The following RIMKLB variants were observed in gnomAD, a reference collection of about 807,000 sequenced individuals.
RIMKLB encodes the protein beta-citrylglutamate synthase B.
A neutral mutation model predicts 32.0 loss-of-function variants in RIMKLB; 7 were observed. The observed-to-expected ratio is 0.22, with a 90% CI of 0.12 to 0.41. RIMKLB has a LOEUF of 0.41. RIMKLB is among the 10% of genes least tolerant of loss of function. The pLI, the probability that RIMKLB is intolerant of heterozygous loss-of-function variation, is 1.00. For synonymous variants in RIMKLB, 172 were observed against 185.1 expected, an observed-to-expected ratio of 0.93 and a Z score of 0.57; for missense variants, 289 against 498.7, an observed-to-expected ratio of 0.58 and a Z score of 4.00.
intron 2 of RIMKLB, among the ~76,000 whole-genome samples, chr12:8,749,617 A>G (rs1239222954): frequency 6.6e-6 from 1 of 152,228 alleles, no homozygotes; most frequent in African/African-American, 2.4e-5. Flanking sequence ...CTCTGAACAT[A>G]TATGTTTATG....
chr12:8,733,590 A>G (rs982986371), intron 2 of RIMKLB, among the ~76,000 whole-genome samples: 1 of 152,200 alleles, frequency 6.6e-6, no homozygotes, highest in African/African-American at 2.4e-5. Context: ...AAATTGATTC[A>G]GGCTGGGCAT....
At chr12:8,777,761 T>A (rs1950818725), downstream of RIMKLB, 2 of 1,117,584 alleles carry the variant, frequency 1.8e-6, no homozygotes, top group Admixed American at 6.3e-5. Flanking sequence ...GAATGGTAAA[T>A]GCACCGGTTT....
chr12:8,763,033 G>C (rs1420420181), intron 5 of RIMKLB, among the ~76,000 whole-genome samples: 1 of 152,182 alleles, frequency 6.6e-6, no homozygotes, highest in Non-Finnish European at 1.5e-5. Flanking sequence ...TTAAGCAAAT[G>C]GTTGTCTGAC....
chr12:8,701,902 G>C (rs1021616665), intron 1 of RIMKLB, among the ~76,000 whole-genome samples: 1 of 151,464 alleles, frequency 6.6e-6, no homozygotes, highest in Non-Finnish European at 1.5e-5. Flanking sequence ...CTACTCGGGG[G>C]GGCTGAGGCA....
intron 2 of RIMKLB, among the ~76,000 whole-genome samples, chr12:8,719,322 C>T (rs1211533576): frequency 2.0e-5 from 3 of 152,152 alleles, no homozygotes; most frequent in African/African-American, 7.2e-5. Context: ...CACCTTGCTT[C>T]TAATTCTAAG....
At chr12:8,712,511 G>A (rs986109259) in intron 1 of RIMKLB, among the ~76,000 whole-genome samples, 5 of 152,228 alleles carry the variant, frequency 3.3e-5, no homozygotes, top group Non-Finnish European at 7.3e-5. Context: ...TTCCTAGCAT[G>A]TGTGTAAGCT....
At chr12:8,752,490 T>G (rs990019068) in intron 4 of RIMKLB, among the ~76,000 whole-genome samples, 1 of 150,460 alleles carries the variant, frequency 6.6e-6, no homozygotes, top group Admixed American at 6.6e-5. Context: ...AGGCGGAGGT[T>G]GCAGTGAGCC....
chr12:8,773,950 G>A lies in RIMKLB; in HGVS notation c.*166G>A, dbSNP rs1415327552. On this transcript the variant is annotated 3_prime_UTR_variant, in exon 6 of 6. Coordinates refer to ENST00000535829, the MANE Select transcript of RIMKLB (RefSeq NM_001297776.2). ...AGATAGATGAGACCTCTGCTAGTAA[G>A]ATGTTACTTTCATTTACAAATCCTA... is the stretch of plus-strand genomic sequence containing the variant. 1 of 1,408,580 alleles carries A rather than the reference G, an allele frequency of 7.1e-7. No individual in the cohort carries two copies. The highest frequency in any genetic ancestry group is 3.0e-5 in the Admixed American group (1 of 33,742). 87.3% of individuals were successfully genotyped at this position (1,408,580 alleles called of 1,614,324 possible). A position where few individuals can be genotyped will look rare whatever the true frequency, so the allele number is the denominator to read the frequency against.
chr12:8,725,526 G>A (rs114890101), intron 2 of RIMKLB, among the ~76,000 whole-genome samples: 1,691 of 152,232 alleles, frequency 0.011, 25 homozygotes, highest in African/African-American at 0.039. Flanking sequence ...CTACTTTCAA[G>A]TCATCCTAGA....
chr12:8,774,066 G>A lies in RIMKLB; in HGVS notation c.*282G>A, dbSNP rs1950589959. 8 of 1,158,630 alleles carry A rather than the reference G, an allele frequency of 6.9e-6. No homozygotes were observed. The Admixed American group carries it at 2.1e-4, about 30-fold the overall frequency. The allele number at this position is 1,158,630 out of a possible 1,614,324, so 71.8% of individuals were successfully genotyped here. ...TTGCTAAAAAATGTGTATGCTCATA[G>A]GCCATGAGGAACAAATACTTTTTTT... On this transcript the variant is annotated 3_prime_UTR_variant, in exon 6 of 6. Coordinates refer to ENST00000535829, the MANE Select transcript of RIMKLB (RefSeq NM_001297776.2).
intron 1 of RIMKLB, among the ~76,000 whole-genome samples, chr12:8,704,162 A>T (rs1318629455): frequency 6.6e-6 from 1 of 152,140 alleles, no homozygotes; most frequent in Non-Finnish European, 1.5e-5. Flanking sequence ...CAGGCGGATC[A>T]TTTGGGGTCA....
At chr12:8,696,972 T>C (rs952699563), upstream of RIMKLB, among the ~76,000 whole-genome samples, 6 of 152,148 alleles carry the variant, frequency 3.9e-5, no homozygotes, top group Non-Finnish European at 5.9e-5. Flanking sequence ...CCTTTTTTTT[T>C]CTCCTTAAGA....
downstream of RIMKLB, chr12:8,780,740 G>C (rs1299801088): frequency 6.6e-6 from 1 of 152,156 alleles, no homozygotes; most frequent in Non-Finnish European, 1.5e-5. Context: ...ACTCTAAATG[G>C]TAAGTTATCT....
At chr12:8,749,640 A>G (rs1459129065) in intron 2 of RIMKLB, among the ~76,000 whole-genome samples, 1 of 152,168 alleles carries the variant, frequency 6.6e-6, no homozygotes, top group Non-Finnish European at 1.5e-5. Flanking sequence ...ATTCTTTTTA[A>G]TGGCTATGTG....
At chr12:8,705,666 A>T (rs1291530198) in intron 1 of RIMKLB, among the ~76,000 whole-genome samples, 1 of 152,140 alleles carries the variant, frequency 6.6e-6, no homozygotes, top group East Asian at 1.9e-4. Flanking sequence ...ATATGTTTAT[A>T]TATGTATTTT....
At chr12:8,694,011 G>A (rs989207730), upstream of RIMKLB, among the ~76,000 whole-genome samples, 4 of 152,102 alleles carry the variant, frequency 2.6e-5, no homozygotes, top group African/African-American at 7.2e-5. Flanking sequence ...GGGAGGCTCA[G>A]GTGGGCGGAT....
chr12:8,732,989 T>C (rs187643361), intron 2 of RIMKLB, among the ~76,000 whole-genome samples: 70 of 152,342 alleles, frequency 4.6e-4, no homozygotes, highest in African/African-American at 1.6e-3. Context: ...CAACTTTGAA[T>C]AAGTCAGCTA....
chr12:8,773,462 C>T lies in RIMKLB; in HGVS notation c.839C>T (p.Ala280Val). The part of the protein sequence containing the change: ...DGSFCVCEAN[A>V]NVGFIAFDKA... ...TCCTTCTGCGTCTGTGAGGCCAATG[C>T]AAATGTAGGTTTCATCGCCTTTGAT... The change falls in exon 6 of 6, where the codon GCA (alanine) becomes GTA (valine). Residue 280 changes from alanine (A) to valine (V), a missense_variant. By Grantham distance (64) the Ala-to-Val change is moderately conservative (BLOSUM62 0). Coordinates refer to ENST00000535829, the MANE Select transcript of RIMKLB (RefSeq NM_001297776.2). 6.2e-7 allele frequency: 1 copy of T among 1,614,214 alleles called. No homozygotes were observed. Among genetic ancestry groups the T allele is most frequent in the South Asian group, 1.1e-5 (1 of 91,088 alleles).
chr12:8,679,198 T>A (rs1282384772), upstream of RIMKLB: 2 of 152,248 alleles, frequency 1.3e-5, no homozygotes, highest in Non-Finnish European at 2.9e-5. Context: ...GTTTTTGTTT[T>A]GAGACGGAGT....
Sources: allele counts gnomAD v4.1 joint callset (sites outside exome capture counted in the v4.1 genomes callset), GRCh38; gene constraint gnomAD v4.1.1; transcripts MANE v1.5; gene names NCBI Gene and HGNC (gene_info 2026-07-23, HGNC 2026-07-21).